The following USH2A variants were observed in gnomAD, a reference collection of about 807,000 sequenced individuals.
USH2A encodes the protein Usher syndrome 2A (autosomal recessive, mild).
In USH2A, 443 loss-of-function variants were observed where a neutral mutation model predicts 538.9. The observed-to-expected ratio is 0.82, with a 90% CI of 0.76 to 0.89. The LOEUF (loss-of-function observed/expected upper bound fraction) is 0.89, where lower values mean the gene tolerates loss of function less well. USH2A is among the 40% of genes least tolerant of loss of function. The pLI, the probability that USH2A is intolerant of heterozygous loss-of-function variation, is 0.00. For synonymous variants in USH2A, 2,413 were observed against 2,273.5 expected, an observed-to-expected ratio of 1.06 and a Z score of -1.75; for missense variants, 6,633 against 6,324.8, an observed-to-expected ratio of 1.05 and a Z score of -1.65.
At chr1:215,822,982 T>G (rs2102801869) in intron 47 of USH2A, among the ~76,000 whole-genome samples, 1 of 152,186 alleles carries the variant, frequency 6.6e-6, no homozygotes, top group South Asian at 2.1e-4. Flanking sequence ...TTGTATATTT[T>G]TATGTTGTCT....
chr1:216,107,507 A>G (rs1479321149), intron 21 of USH2A, among the ~76,000 whole-genome samples: 4 of 150,802 alleles, frequency 2.7e-5, no homozygotes, highest in Non-Finnish European at 4.4e-5. Context: ...TTATGTTTTT[A>G]TACTTGAAGT....
chr1:216,129,009 G>A (rs1263603475), intron 21 of USH2A, among the ~76,000 whole-genome samples: 1 of 151,970 alleles, frequency 6.6e-6, no homozygotes, highest in Non-Finnish European at 1.5e-5. Flanking sequence ...TGCAATATGT[G>A]TCTTTCTGTG....
At chr1:216,282,018 C>T (rs1440962125) in intron 11 of USH2A, among the ~76,000 whole-genome samples, 1 of 151,918 alleles carries the variant, frequency 6.6e-6, no homozygotes, top group Non-Finnish European at 1.5e-5. Context: ...AGAGAAATAT[C>T]TATTCAGATT....
chr1:216,085,038 T>C (rs2032085075), intron 24 of USH2A, 161 bp from the exon 25 acceptor site: 5 of 661,660 alleles, frequency 7.6e-6, no homozygotes, highest in Non-Finnish European at 1.3e-5. Flanking sequence ...CCATCAGCTA[T>C]AGTAAATGAT....
chr1:216,168,579 C>A (rs187156895), intron 21 of USH2A, among the ~76,000 whole-genome samples: 10 of 152,198 alleles, frequency 6.6e-5, no homozygotes, highest in East Asian at 5.8e-4. Flanking sequence ...CCTAAATAGA[C>A]CCCCTTCTTG....
chr1:216,124,130 T>A (rs2033198028), intron 21 of USH2A, among the ~76,000 whole-genome samples: 3 of 152,172 alleles, frequency 2.0e-5, no homozygotes, highest in Non-Finnish European at 4.4e-5. Context: ...TTTGTCGCTT[T>A]AGCAGCAATT....
intron 3 of USH2A, among the ~76,000 whole-genome samples, chr1:216,395,053 A>AC (rs1448581865): frequency 6.6e-6 from 1 of 151,566 alleles, no homozygotes; most frequent in African/African-American, 2.4e-5. Flanking sequence ...ATCTGATGTC[A>AC]CCCCCCAATC....
At chr1:216,074,050 T>C (rs1455968588) in intron 27 of USH2A, among the ~76,000 whole-genome samples, 6 of 152,266 alleles carry the variant, frequency 3.9e-5, no homozygotes, top group Non-Finnish European at 7.3e-5. Context: ...ATGTGCATTC[T>C]GCACAGGTGA....
chr1:216,396,031 C>T (rs1380135601), intron 3 of USH2A, among the ~76,000 whole-genome samples: 1 of 152,186 alleles, frequency 6.6e-6, no homozygotes, highest in African/African-American at 2.4e-5. Context: ...GAGATGTCCC[C>T]TTTTCATTGT....
chr1:215,679,649 G>A (rs1658158951), intron 62 of USH2A, among the ~76,000 whole-genome samples: 1 of 152,144 alleles, frequency 6.6e-6, no homozygotes, highest in African/African-American at 2.4e-5. Context: ...TGTTTCTCAC[G>A]GCTACATACA....
intron 21 of USH2A, among the ~76,000 whole-genome samples, chr1:216,107,195 A>G (rs919303911): frequency 2.0e-5 from 3 of 151,868 alleles, no homozygotes; most frequent in East Asian, 1.9e-4. Flanking sequence ...ATAGATTTTT[A>G]TCAACTTCTT....
chr1:215,699,730 T>C (rs1472543850), intron 61 of USH2A, among the ~76,000 whole-genome samples: 1 of 152,250 alleles, frequency 6.6e-6, no homozygotes, highest in Non-Finnish European at 1.5e-5. Context: ...GTTTTCTAAA[T>C]GTACAATCAT....
At chr1:215,644,715 T>C (rs1207788738) in intron 67 of USH2A, among the ~76,000 whole-genome samples, 2 of 152,058 alleles carry the variant, frequency 1.3e-5, no homozygotes, top group Admixed American at 6.6e-5. Context: ...GATATATCAG[T>C]ATGGAGGCCA....
In USH2A at chr1:216,089,047, A is replaced by C; in HGVS notation, c.4851T>G (p.Ala1617=). The C allele has an allele frequency of 6.2e-7, 1 of 1,613,576 alleles. No individual in the cohort carries two copies. Among genetic ancestry groups the C allele is most frequent in the Non-Finnish European group, 8.5e-7 (1 of 1,179,634 alleles). ...TCCCATCCAGAGTGATTTGGCCAAA[A>C]GCCTGATGCCTAATAGCAATTATTT... is the stretch of plus-strand genomic sequence containing the variant. ...WHEIIAIRHQ[A]FGQITLDGIY... Residue 1617 remains alanine, a synonymous_variant, in exon 23 of 72, where the codon GCT becomes GCG. Transcript: ENST00000307340.
chr1:216,010,971 A>T (rs1008429065), intron 32 of USH2A, among the ~76,000 whole-genome samples: 1 of 151,494 alleles, frequency 6.6e-6, no homozygotes, highest in Non-Finnish European at 1.5e-5. Flanking sequence ...AATCACCCTT[A>T]CCCCTCTCAA....
intron 3 of USH2A, among the ~76,000 whole-genome samples, chr1:216,378,729 A>T (rs2038880455): frequency 6.6e-6 from 1 of 151,770 alleles, no homozygotes; most frequent in Admixed American, 6.6e-5. Flanking sequence ...ACATGTATGC[A>T]CCCAAACAAA....
intron 30 of USH2A, among the ~76,000 whole-genome samples, chr1:216,052,385 A>AAAAGAAG (rs747280969): frequency 4.6e-5 from 7 of 151,916 alleles, no homozygotes; most frequent in Non-Finnish European, 1.0e-4. Flanking sequence ...AAAAGAAAGA[A>AAAAGAAG]AAAGAAGAAA....
At chr1:215,897,721 G>GAAAA (rs5780864) in intron 40 of USH2A, among the ~76,000 whole-genome samples, 5 of 148,974 alleles carry the variant, frequency 3.4e-5, no homozygotes, top group African/African-American at 1.0e-4. Flanking sequence ...AAGAAAGAAA[G>GAAAA]AGAAAGAAAG....
intron 4 of USH2A, among the ~76,000 whole-genome samples, chr1:216,363,597 A>G (rs1017661868): frequency 1.3e-5 from 2 of 152,128 alleles, no homozygotes; most frequent in Admixed American, 1.3e-4. Flanking sequence ...ATGTAGATAT[A>G]GACACAGATA....
Sources: gnomAD v4.1 joint callset for allele counts (sites outside exome capture counted in the v4.1 genomes callset) on GRCh38, gnomAD v4.1.1 for gene constraint, MANE v1.5 for transcripts, NCBI Gene and HGNC (gene_info 2026-07-23, HGNC 2026-07-21) for gene names.